Variants in WBP2NL observed in about 807,000 individuals in gnomAD.
WBP2NL encodes the protein postacrosomal sheath WW domain-binding protein.
WBP2NL carries 27 observed loss-of-function variants against 23.3 expected under a neutral mutation model. The observed-to-expected ratio is 1.16, with a 90% CI of 0.85 to 1.60. The LOEUF (loss-of-function observed/expected upper bound fraction) is 1.60, where lower values mean the gene tolerates loss of function less well. Ranked by LOEUF, WBP2NL falls within the 40% of genes most tolerant of loss-of-function variation. WBP2NL has a pLI of 0.00. For missense variants in WBP2NL, 370 were observed against 389.5 expected, an observed-to-expected ratio of 0.95 and a Z score of 0.42; for synonymous variants, 151 against 145.9, an observed-to-expected ratio of 1.03 and a Z score of -0.25.
downstream of WBP2NL, among the ~76,000 whole-genome samples, chr22:42,033,805 C>T (rs541436950): frequency 5.9e-5 from 9 of 152,284 alleles, no homozygotes; most frequent in Admixed American, 3.3e-4. Flanking sequence ...TCTGGCTGAG[C>T]CCAGGGATTT....
chr22:42,018,952 C>T (rs574642734), intron 1 of WBP2NL, among the ~76,000 whole-genome samples: 3 of 149,526 alleles, frequency 2.0e-5, no homozygotes, highest in Admixed American at 6.7e-5. Context: ...GGGCCGGGCA[C>T]GGTGGCATGC....
At chr22:42,048,386 CA>C (rs112746719) in intron 8 of WBP2NL, among the ~76,000 whole-genome samples, 160 of 133,046 alleles carry the variant, frequency 1.2e-3, no homozygotes, top group Admixed American at 1.4e-3. Context: ...GACTCCATCT[CA>C]AAAAAAAAAA....
intron 1 of WBP2NL, among the ~76,000 whole-genome samples, chr22:42,007,873 T>C (rs971162435): frequency 1.3e-5 from 2 of 152,212 alleles, no homozygotes; most frequent in Admixed American, 6.5e-5. Flanking sequence ...AGTATTCAAA[T>C]ATCTATTTGA....
intron 8 of WBP2NL, among the ~76,000 whole-genome samples, chr22:42,057,893 ATATATATATTTTTTTTTTTTTTTTT>A (rs1926128212): frequency 4.4e-5 from 1 of 22,624 alleles, no homozygotes; most frequent in African/African-American, 2.0e-4. Flanking sequence ...ATATATATAT[ATATATATATTTTTTTTTTTTTTTTT>A]TTTTTTTTTT....
chr22:42,051,638 T>G (rs1198872853), intron 8 of WBP2NL, among the ~76,000 whole-genome samples: 5 of 152,206 alleles, frequency 3.3e-5, no homozygotes, highest in African/African-American at 1.2e-4. Flanking sequence ...TTCTGCTTAA[T>G]TGTTCAGGAA....
intron 1 of WBP2NL, among the ~76,000 whole-genome samples, chr22:42,018,407 A>G: frequency 6.7e-6 from 1 of 149,678 alleles, no homozygotes; most frequent in African/African-American, 2.5e-5. Flanking sequence ...GGAAGGGAAG[A>G]AGGGAAGGAA....
rs7291700 is a variant in WBP2NL at position 42,057,846 on chromosome 22, T to C, written c.*274-444T>C. The stretch of plus-strand genomic sequence containing the variant: ...AAGGTCATATATATATATATATATA[T>C]ACACATATATGTGTGTGTGTATGTA... On this transcript the variant is annotated intron_variant and NMD_transcript_variant, in intron 8 of 8. Coordinates refer to the WBP2NL transcript ENST00000436265. Among the ~76,000 whole-genome samples, 2,459 of 117,370 alleles carry C rather than the reference T, an allele frequency of 0.021. 479 individuals carry two copies. The East Asian group carries it at 0.48, about 23-fold the overall frequency. 77.0% of individuals were successfully genotyped at this position (117,370 alleles called of 152,430 possible).
At chr22:42,055,646 T>C (rs536230503) in intron 8 of WBP2NL, among the ~76,000 whole-genome samples, 2 of 152,378 alleles carry the variant, frequency 1.3e-5, no homozygotes, top group Admixed American at 1.3e-4. Context: ...GGTAATATAA[T>C]TGGTAACATT....
downstream of WBP2NL, among the ~76,000 whole-genome samples, chr22:42,029,444 T>C (rs576683718): frequency 1.3e-5 from 2 of 152,180 alleles, no homozygotes; most frequent in South Asian, 4.1e-4. Context: ...CAATCTTGGC[T>C]CACTGCAACC....
At chr22:42,033,624 A>G (rs1048861706), downstream of WBP2NL, among the ~76,000 whole-genome samples, 5 of 151,974 alleles carry the variant, frequency 3.3e-5, no homozygotes, top group Admixed American at 6.6e-5. Flanking sequence ...GGTAGCTCCT[A>G]TCTGCAGGCA....
At position 42,022,379 on chromosome 22, in the gene WBP2NL, T is replaced by G. The variant is rs757637621; in HGVS notation, c.514+23T>G. The G allele has an allele frequency of 6.3e-6, 10 of 1,580,680 alleles. No homozygotes were observed. In the African/African-American group the frequency reaches 1.2e-4, roughly 19 times the overall value. On this transcript the variant is annotated intron_variant, in intron 5 of 5. Coordinates refer to ENST00000328823, the MANE Select transcript of WBP2NL (RefSeq NM_152613.3). ...CAGGTAAGGTATGGCAGAGAGGTTC[T>G]TCCTGGAAGGTGGAAAATTATGCCA...
At chr22:42,033,445 G>A (rs953815698), downstream of WBP2NL, among the ~76,000 whole-genome samples, 4 of 152,202 alleles carry the variant, frequency 2.6e-5, no homozygotes, top group Admixed American at 6.5e-5. Context: ...TCTCAACCCT[G>A]TTTGTGTTAC....
chr22:42,032,301 A>G (rs1206002480), downstream of WBP2NL: 3 of 152,828 alleles, frequency 2.0e-5, no homozygotes, highest in African/African-American at 7.2e-5. Context: ...CAGAGATCCA[A>G]CTCTGTGTAC....
intron 1 of WBP2NL, among the ~76,000 whole-genome samples, chr22:42,000,470 T>G (rs1356547065): frequency 2.6e-5 from 4 of 152,214 alleles, no homozygotes; most frequent in Admixed American, 2.6e-4. Context: ...TCCAAATTTG[T>G]TATTTATTAG....
At position 42,027,735 on chromosome 22, in the gene WBP2NL, G is replaced by A. The variant is rs1391732134; in HGVS notation, c.*554G>A. On this transcript the variant is annotated 3_prime_UTR_variant, in exon 6 of 6. Coordinates refer to ENST00000328823, the MANE Select transcript of WBP2NL (RefSeq NM_152613.3). ...CCAACAAATAAAAGCATGATAAATT[G>A]ACTATATCAAAATTTAAAACTTCTC... The A allele has an allele frequency of 5.4e-6, 2 of 373,748 alleles. No individual in the cohort carries two copies. Among genetic ancestry groups the A allele is most frequent in the African/African-American group, 4.2e-5 (2 of 48,144 alleles). The allele number at this position is 373,748 out of a possible 1,614,324, so 23.2% of individuals were successfully genotyped here.
At chr22:42,010,895 G>T (rs1343498936) in intron 1 of WBP2NL, among the ~76,000 whole-genome samples, 3 of 152,120 alleles carry the variant, frequency 2.0e-5, no homozygotes, top group Non-Finnish European at 4.4e-5. Flanking sequence ...TGATCGCATG[G>T]TTTTTTCCCT....
intron 1 of WBP2NL, chr22:42,001,662 C>A: frequency 8.3e-7 from 1 of 1,204,494 alleles, no homozygotes; most frequent in African/African-American, 1.5e-5. Context: ...CTCTTGTCCA[C>A]ACCATCCAGG....
chr22:42,044,224 TAATTTTTTTTTA>T (rs909243703), intron 8 of WBP2NL, among the ~76,000 whole-genome samples: 14 of 152,292 alleles, frequency 9.2e-5, no homozygotes, highest in African/African-American at 3.1e-4. Context: ...TATGTCTGGC[TAATTTTTTTTTA>T]AATTTTTTTT....
downstream of WBP2NL, chr22:42,032,588 C>A: frequency 3.5e-6 from 1 of 282,116 alleles, no homozygotes; most frequent in South Asian, 3.7e-5. Flanking sequence ...AATGTAGAAG[C>A]CCAATTCAAA....
Sources: allele counts gnomAD v4.1 joint callset (sites outside exome capture counted in the v4.1 genomes callset), GRCh38; gene constraint gnomAD v4.1.1; transcripts MANE v1.5; gene names NCBI Gene and HGNC (gene_info 2026-07-23, HGNC 2026-07-21).